PTPRD: variants seen among roughly 807,000 people sequenced by gnomAD.
The protein encoded by PTPRD is receptor-type tyrosine-protein phosphatase delta.
Under a neutral mutation model 214.5 loss-of-function variants are expected in PTPRD, and 34 were observed. The observed-to-expected ratio is 0.16, with a 90% confidence interval of 0.12 to 0.21. The LOEUF is 0.21. Ranked by LOEUF, PTPRD falls within the 10% of genes least tolerant of loss-of-function variation. The pLI, the probability that PTPRD is intolerant of heterozygous loss-of-function variation, is 1.00. For synonymous variants in PTPRD, 1,128 were observed against 845.7 expected, an observed-to-expected ratio of 1.33 and a Z score of -5.79; for missense variants, 2,545 against 2,398.7, an observed-to-expected ratio of 1.06 and a Z score of -1.27.
chr9:10,434,565 T>C (rs899463002), intron 2 of PTPRD, among the ~76,000 whole-genome samples: 1 of 151,834 alleles, frequency 6.6e-6, no homozygotes, highest in African/African-American at 2.4e-5. Context: ...TATTTGACAA[T>C]AGTGATCAGC....
chr9:9,339,434 C>T (rs980984567), intron 9 of PTPRD, among the ~76,000 whole-genome samples: 6 of 151,892 alleles, frequency 4.0e-5, no homozygotes, highest in Admixed American at 6.6e-5. Flanking sequence ...TGCAGTGAGC[C>T]GAGATCTCGC....
chr9:9,581,833 CTTG>C (rs764185743), intron 7 of PTPRD, among the ~76,000 whole-genome samples: 10 of 152,174 alleles, frequency 6.6e-5, no homozygotes, highest in South Asian at 2.1e-4. Context: ...GTATATAATG[CTTG>C]TTAAGTAATT....
chr9:9,599,835 G>C (rs1223661472), intron 7 of PTPRD, among the ~76,000 whole-genome samples: 1 of 151,810 alleles, frequency 6.6e-6, no homozygotes, highest in African/African-American at 2.4e-5. Flanking sequence ...TAAATATCTA[G>C]TTATTAGTCA....
chr9:9,023,990 T>G (rs2154371597), intron 10 of PTPRD, among the ~76,000 whole-genome samples: 1 of 152,072 alleles, frequency 6.6e-6, no homozygotes, highest in South Asian at 2.1e-4. Flanking sequence ...TAATACAAAT[T>G]TTTATTTTTG....
intron 3 of PTPRD, among the ~76,000 whole-genome samples, chr9:10,137,577 G>T (rs370304042): frequency 2.2e-5 from 2 of 88,890 alleles, no homozygotes; most frequent in East Asian, 7.4e-4. Context: ...GGGAGGGATA[G>T]CACTGGGAGA....
chr9:9,131,786 G>T (rs959658793), intron 10 of PTPRD, among the ~76,000 whole-genome samples: 1 of 152,198 alleles, frequency 6.6e-6, no homozygotes, highest in Admixed American at 6.5e-5. Context: ...AATTATGAGA[G>T]TTCGATAATA....
At chr9:8,412,994 A>T (rs2093643934) in intron 35 of PTPRD, among the ~76,000 whole-genome samples, 2 of 152,212 alleles carry the variant, frequency 1.3e-5, no homozygotes, top group South Asian at 2.1e-4. Flanking sequence ...TTGTTGTGCG[A>T]CTGATATTAC....
At chr9:8,597,680 C>T (rs1020589411) in intron 14 of PTPRD, among the ~76,000 whole-genome samples, 2 of 152,010 alleles carry the variant, frequency 1.3e-5, no homozygotes, top group Admixed American at 1.3e-4. Flanking sequence ...ACTGATGTTC[C>T]CAAGGAGTTG....
At chr9:9,880,294 T>C (rs2153735590) in intron 5 of PTPRD, among the ~76,000 whole-genome samples, 1 of 152,298 alleles carries the variant, frequency 6.6e-6, no homozygotes, top group Admixed American at 6.5e-5. Context: ...CTTTTCTTTA[T>C]AAATCACCCA....
At chr9:10,313,975 A>G (rs1479339780) in intron 3 of PTPRD, among the ~76,000 whole-genome samples, 1 of 151,936 alleles carries the variant, frequency 6.6e-6, no homozygotes, top group Non-Finnish European at 1.5e-5. Flanking sequence ...TCATGGAGGT[A>G]GTGGTCTTTA....
intron 14 of PTPRD, among the ~76,000 whole-genome samples, chr9:8,584,198 A>G (rs2093441705): frequency 6.6e-6 from 1 of 152,126 alleles, no homozygotes; most frequent in African/African-American, 2.4e-5. Flanking sequence ...AATAAATAAG[A>G]AGCAAAGTTT....
At chr9:9,722,709 C>T (rs1476123690) in intron 7 of PTPRD, among the ~76,000 whole-genome samples, 4 of 152,058 alleles carry the variant, frequency 2.6e-5, no homozygotes, top group Admixed American at 2.6e-4. Flanking sequence ...TCCAATTCCT[C>T]CACATCCTTG....
At chr9:8,629,653 A>T (rs2096182346) in intron 14 of PTPRD, among the ~76,000 whole-genome samples, 1 of 151,804 alleles carries the variant, frequency 6.6e-6, no homozygotes, top group Admixed American at 6.6e-5. Context: ...TAGGATGGGA[A>T]AACACAAGTA....
intron 3 of PTPRD, among the ~76,000 whole-genome samples, chr9:10,248,918 G>T (rs1243862919): frequency 6.6e-6 from 1 of 151,460 alleles, no homozygotes; most frequent in African/African-American, 2.4e-5. Context: ...CCACTCAAAT[G>T]CAGTTTTATA....
At chr9:8,818,507 T>A (rs2096969670) in intron 11 of PTPRD, among the ~76,000 whole-genome samples, 1 of 152,216 alleles carries the variant, frequency 6.6e-6, no homozygotes, top group African/African-American at 2.4e-5. Context: ...TACAAATGTC[T>A]TCAATTCTCA....
chr9:9,319,950 A>G (rs1172005142), intron 9 of PTPRD, among the ~76,000 whole-genome samples: 1 of 152,174 alleles, frequency 6.6e-6, no homozygotes, highest in African/African-American at 2.4e-5. Context: ...GTGAAATAGT[A>G]GTGGCATTTT....
intron 12 of PTPRD, among the ~76,000 whole-genome samples, chr9:8,655,125 A>T (rs974973719): frequency 6.6e-6 from 1 of 152,212 alleles, no homozygotes; most frequent in African/African-American, 2.4e-5. Flanking sequence ...AGATGAGAGG[A>T]TAGTCTTCAC....
intron 39 of PTPRD, among the ~76,000 whole-genome samples, chr9:8,342,192 T>C (rs2132550007): frequency 6.6e-6 from 1 of 152,204 alleles, no homozygotes; most frequent in South Asian, 2.1e-4. Context: ...AAAATTAGTT[T>C]AGTTTTAAAA....
chr9:8,941,736 G>A (rs934439146), intron 11 of PTPRD, among the ~76,000 whole-genome samples: 7 of 152,114 alleles, frequency 4.6e-5, no homozygotes, highest in Admixed American at 2.6e-4. Flanking sequence ...GCAAAAATAC[G>A]ACTTTCATCA....
Sources: gnomAD v4.1 joint callset for allele counts (sites outside exome capture counted in the v4.1 genomes callset) on GRCh38, gnomAD v4.1.1 for gene constraint, MANE v1.5 for transcripts, NCBI Gene and HGNC (gene_info 2026-07-23, HGNC 2026-07-21) for gene names.